The following KCNC2 variants were observed in gnomAD, a reference collection of about 807,000 sequenced individuals.
KCNC2 encodes voltage-gated potassium channel KCNC2.
In KCNC2, 21 loss-of-function variants were observed where a neutral mutation model predicts 44.5. The ratio of observed to expected loss-of-function variants is 0.47; its 90% CI spans 0.33 to 0.68. The LOEUF (loss-of-function observed/expected upper bound fraction) is 0.68, where lower values mean the gene tolerates loss of function less well. Among genes scored for constraint, KCNC2 ranks in the 30% least tolerant of loss-of-function variants. The probability of loss-of-function intolerance (pLI) is 0.01; values close to 1 mark genes in which losing one functional copy is unlikely to be tolerated. For synonymous variants in KCNC2, 391 were observed against 339.1 expected, an observed-to-expected ratio of 1.15 and a Z score of -1.68; for missense variants, 589 against 826.2, an observed-to-expected ratio of 0.71 and a Z score of 3.52.
At chr12:75,144,251 A>G (rs570645531) in intron 2 of KCNC2, among the ~76,000 whole-genome samples, 1 of 152,338 alleles carries the variant, frequency 6.6e-6, no homozygotes, top group South Asian at 2.1e-4. Flanking sequence ...CTGAAATACA[A>G]GTTATTGGAA....
intron 2 of KCNC2, among the ~76,000 whole-genome samples, chr12:75,159,114 G>A (rs1208944946): frequency 6.7e-6 from 1 of 148,978 alleles, no homozygotes; most frequent in African/African-American, 2.5e-5. Flanking sequence ...ACCAGGGCCT[G>A]TCGGAGGGTG....
intron 2 of KCNC2, among the ~76,000 whole-genome samples, chr12:75,183,903 C>T (rs1892763856): frequency 6.6e-6 from 1 of 152,084 alleles, no homozygotes; most frequent in Non-Finnish European, 1.5e-5. Context: ...CTTTCCATTC[C>T]ACCTCTCAGA....
rs573661013 is a variant in KCNC2, at chr12:75,042,900, G to C, written c.*205C>G. On this transcript the variant is annotated 3_prime_UTR_variant, in exon 5 of 5. Coordinates refer to ENST00000549446, the MANE Select transcript of KCNC2 (RefSeq NM_139137.4). ...AGGGCAATTAATAGGAGGGATCTTA[G>C]CACTACTTTAGACAATCTTTAAAGC... 90 of 1,365,768 alleles carry C rather than the reference G, an allele frequency of 6.6e-5. No individual in the cohort carries two copies. The African/African-American group carries it at 1.1e-3, about 16-fold the overall frequency. 84.6% of individuals were successfully genotyped at this position (1,365,768 alleles called of 1,614,324 possible).
At chr12:75,069,127 A>ATATTTTTTTT (rs1231157819) in intron 2 of KCNC2, among the ~76,000 whole-genome samples, 1 of 33,906 alleles carries the variant, frequency 2.9e-5, no homozygotes, top group African/African-American at 9.5e-5. Context: ...ATTTTATATA[A>ATATTTTTTTT]TCTTTTTTTT....
intron 2 of KCNC2, among the ~76,000 whole-genome samples, chr12:75,075,454 T>C (rs1883845704): frequency 1.6e-4 from 2 of 12,354 alleles, no homozygotes; most frequent in African/African-American, 3.7e-4. Flanking sequence ...GAAATATATA[T>C]ATACATATAT....
At chr12:75,060,312 A>G (rs1320815300) in intron 2 of KCNC2, among the ~76,000 whole-genome samples, 1 of 152,064 alleles carries the variant, frequency 6.6e-6, no homozygotes, top group East Asian at 1.9e-4. Flanking sequence ...TCCCAGGGCC[A>G]GCAGCCTAGC....
At chr12:75,100,008 T>TAGAG (rs10624865) in intron 2 of KCNC2, among the ~76,000 whole-genome samples, 24,777 of 152,020 alleles carry the variant, frequency 0.16, 2,395 homozygotes, top group Admixed American at 0.25. Flanking sequence ...GAAAATGTTT[T>TAGAG]AGAGAAGGCT....
intron 2 of KCNC2, among the ~76,000 whole-genome samples, chr12:75,176,310 C>A (rs2137611955): frequency 6.6e-6 from 1 of 152,116 alleles, no homozygotes; most frequent in Non-Finnish European, 1.5e-5. Context: ...GCAGTTTGGG[C>A]TTAACTCACC....
chr12:75,120,214 A>G (rs1015770806), intron 2 of KCNC2, among the ~76,000 whole-genome samples: 3 of 152,348 alleles, frequency 2.0e-5, no homozygotes, highest in African/African-American at 7.2e-5. Flanking sequence ...TATCATTTTA[A>G]TAGTTGCAGA....
At chr12:75,075,433 T>A (rs1883837831) in intron 2 of KCNC2, among the ~76,000 whole-genome samples, 1 of 135,368 alleles carries the variant, frequency 7.4e-6, no homozygotes, top group African/African-American at 2.7e-5. Flanking sequence ...TTAAATCCAA[T>A]TCTCAGGAGA....
chr12:75,103,404 C>T (rs978009759), intron 2 of KCNC2, among the ~76,000 whole-genome samples: 12 of 152,152 alleles, frequency 7.9e-5, no homozygotes, highest in African/African-American at 2.9e-4. Context: ...GTATAAGATA[C>T]AGAAGCAAGG....
chr12:75,204,382 C>A (rs995484680), intron 2 of KCNC2, among the ~76,000 whole-genome samples: 6 of 151,872 alleles, frequency 4.0e-5, no homozygotes, highest in Non-Finnish European at 5.9e-5. Flanking sequence ...GTTTTGTCTG[C>A]CATTTAAATC....
At chr12:75,105,012 A>T (rs1215464709) in intron 2 of KCNC2, among the ~76,000 whole-genome samples, 1 of 152,182 alleles carries the variant, frequency 6.6e-6, no homozygotes, top group Non-Finnish European at 1.5e-5. Context: ...AAAAATATAG[A>T]AGTCCCTGCC....
chr12:75,104,816 A>T (rs1886647172), intron 2 of KCNC2, among the ~76,000 whole-genome samples: 1 of 152,178 alleles, frequency 6.6e-6, no homozygotes, highest in Non-Finnish European at 1.5e-5. Flanking sequence ...TAGAGTCAGG[A>T]TTCAAACCCA....
intron 4 of KCNC2, chr12:75,044,557 G>T (rs990185773): frequency 2.6e-5 from 4 of 151,950 alleles, no homozygotes; most frequent in Non-Finnish European, 5.9e-5. Flanking sequence ...CATTGGAAGA[G>T]AAAAAGTGAT....
chr12:75,090,726 T>A (rs557783369), intron 2 of KCNC2, among the ~76,000 whole-genome samples: 1 of 151,654 alleles, frequency 6.6e-6, no homozygotes, highest in Non-Finnish European at 1.5e-5. Flanking sequence ...TCAGGAATAG[T>A]TTAGAAATTA....
chr12:75,098,621 T>C (rs1208787539), intron 2 of KCNC2, among the ~76,000 whole-genome samples: 1 of 152,034 alleles, frequency 6.6e-6, no homozygotes, highest in Non-Finnish European at 1.5e-5. Flanking sequence ...TAGCCAGGCA[T>C]GGTGGTGGAC....
Position 75,041,762 on chromosome 12 carries a change from CA to C in KCNC2, c.*1342del. On this transcript the variant is annotated 3_prime_UTR_variant, in exon 5 of 5. Transcript: ENST00000549446. ...AAATTGCTGCTTAAACCCTGCTTAT[CA>C]AAAAGATTCACAGTGCCGATTAACT... The C allele has an allele frequency of 3.0e-6, 3 of 991,434 alleles. No homozygotes were observed. Among genetic ancestry groups the C allele is most frequent in the Non-Finnish European group, 3.6e-6 (3 of 833,358 alleles). The allele number at this position is 991,434 out of a possible 1,614,324, so 61.4% of individuals were successfully genotyped here.
intron 2 of KCNC2, among the ~76,000 whole-genome samples, chr12:75,072,373 T>C (rs1036678857): frequency 6.6e-6 from 1 of 152,116 alleles, no homozygotes; most frequent in Non-Finnish European, 1.5e-5. Flanking sequence ...TTCAAACTGT[T>C]AGTTAAGGAA....
Sources: allele counts gnomAD v4.1 joint callset (sites outside exome capture counted in the v4.1 genomes callset), GRCh38; gene constraint gnomAD v4.1.1; transcripts MANE v1.5; gene names NCBI Gene and HGNC (gene_info 2026-07-23, HGNC 2026-07-21).